The following SPSB1 variants were observed in gnomAD, a reference collection of about 807,000 sequenced individuals.
SPSB1 encodes splA/ryanodine receptor domain and SOCS box containing 1.
Under a neutral mutation model 21.2 loss-of-function variants are expected in SPSB1, and 8 were observed. The observed-to-expected ratio is 0.38, with a 90% CI of 0.22 to 0.68. The LOEUF is 0.68. SPSB1 is among the 30% of genes least tolerant of loss of function. SPSB1 has a pLI of 0.53. For synonymous variants in SPSB1, 169 were observed against 161.7 expected, an observed-to-expected ratio of 1.05 and a Z score of -0.34; for missense variants, 242 against 377.8, an observed-to-expected ratio of 0.64 and a Z score of 2.98.
chr1:9,356,602 C>A lies in SPSB1; in HGVS notation c.694+17C>A. On this transcript the variant is annotated intron_variant, in intron 2 of 2. Transcript: ENST00000328089. The surrounding 1 kb of genome is among the most constrained non-coding windows in gnomAD (Gnocchi z 7.4). ...GACTCGATCGTAAGTGTCTCCTCTG[C>A]TGTCAGAGGCAATGCCCTCCCTCAG... 1 of 1,565,990 alleles carries A rather than the reference C, an allele frequency of 6.4e-7. No individual in the cohort carries two copies. Among genetic ancestry groups the A allele is most frequent in the South Asian group, 1.2e-5 (1 of 82,892 alleles).
chr1:9,342,661 T>G (rs1287968698), intron 1 of SPSB1, among the ~76,000 whole-genome samples: 2 of 151,922 alleles, frequency 1.3e-5, no homozygotes, highest in Admixed American at 1.3e-4. Context: ...GGTCATCCCC[T>G]CCCCAGACCA....
chr1:9,339,854 G>A (rs543679805), intron 1 of SPSB1, among the ~76,000 whole-genome samples: 3 of 152,342 alleles, frequency 2.0e-5, no homozygotes, highest in South Asian at 2.1e-4. Context: ...TGCTCCTTCC[G>A]TGGCACAGGT....
Position 9,367,549 on chromosome 1 carries a change from C to G in SPSB1, c.796C>G (p.Leu266Val), listed in dbSNP as rs750353064. The change falls in exon 3 of 3, where the codon CTC becomes GTC. Residue 266 changes from leucine to valine, a missense_variant. Coordinates refer to ENST00000328089, the MANE Select transcript of SPSB1 (RefSeq NM_025106.4). The surrounding 1 kb of genome is among the most constrained non-coding windows in gnomAD (Gnocchi z 5.9). Reference sequence around the variant, plus strand: ...CCACACGCTGCCGCTGCCGGCTTCCCTCAAGGCCTACCTCCTCTACCAGTG... The same window carrying G: ...CCACACGCTGCCGCTGCCGGCTTCCGTCAAGGCCTACCTCCTCTACCAGTG... ...EIHTLPLPAS[L>V]KAYLLYQ 18 of 1,612,368 alleles carry G rather than the reference C, an allele frequency of 1.1e-5. No individual in the cohort carries two copies. The highest frequency in any genetic ancestry group is 7.6e-6 in the Non-Finnish European group (9 of 1,179,136).
In SPSB1 at chr1:9,338,250, C is replaced by T. The variant is rs1423907206; in HGVS notation, c.-149-17493C>T. ...CTGCTCATGGAGACCTGGGAGACAGCCAAGGCCCTGGCCGTGGGCTCCCCA... is the reference window on the plus strand; with the variant it reads ...CTGCTCATGGAGACCTGGGAGACAGTCAAGGCCCTGGCCGTGGGCTCCCCA... On this transcript the variant is annotated intron_variant, in intron 1 of 2. Transcript: ENST00000328089. Among the ~76,000 whole-genome samples the T allele has an allele frequency of 2.0e-5, 3 of 152,204 alleles. No homozygotes were observed. In the East Asian group the frequency reaches 5.8e-4, roughly 29 times the overall value.
chr1:9,307,661 T>C (rs1340636673), intron 1 of SPSB1, among the ~76,000 whole-genome samples: 2 of 152,150 alleles, frequency 1.3e-5, no homozygotes, highest in African/African-American at 2.4e-5. Flanking sequence ...GGCTGGGAAA[T>C]AGGAACACCT....
At position 9,367,378 on chromosome 1, in the gene SPSB1, G is replaced by T; in HGVS notation, c.695-70G>T. 6.2e-7 allele frequency: 1 copy of T among 1,607,284 alleles called. No individual in the cohort carries two copies. The highest frequency in any genetic ancestry group is 1.1e-5 in the South Asian group (1 of 90,914). On this transcript the variant is annotated intron_variant, in intron 2 of 2. Coordinates refer to ENST00000328089, the MANE Select transcript of SPSB1 (RefSeq NM_025106.4). This position sits in a 1 kb window ranked among gnomAD's most constrained non-coding sequence, Gnocchi z 5.9. ...AATACTAATCAGTGATAATATTGCT[G>T]CTGTGGTTAGCGCTGTTTGCTGAAC...
intron 1 of SPSB1, among the ~76,000 whole-genome samples, chr1:9,325,386 C>T (rs2100487433): frequency 6.6e-6 from 1 of 152,298 alleles, no homozygotes; most frequent in African/African-American, 2.4e-5. Flanking sequence ...GCCTGGAAGG[C>T]AGACCTGGGG....
In SPSB1 at chr1:9,351,973, G is replaced by A. The variant is rs552261443; in HGVS notation, c.-149-3770G>A. 2.1e-4 allele frequency among the ~76,000 whole-genome samples: 32 copies of A among 152,294 alleles called. No individual in the cohort carries two copies. In the South Asian group the frequency reaches 4.4e-3, roughly 21 times the overall value. On this transcript the variant is annotated intron_variant, in intron 1 of 2. Coordinates refer to ENST00000328089, the MANE Select transcript of SPSB1 (RefSeq NM_025106.4). ...GCCCCTTTACCTGCCTGCCCTGCCC[G>A]GGGAAAACGCCCCACCCTCTTTCCC... is the stretch of plus-strand genomic sequence containing the variant.
At position 9,305,293 on chromosome 1, in the gene SPSB1, C is replaced by T. The variant is rs1639392703; in HGVS notation, c.-150+12222C>T. 6.6e-6 allele frequency among the ~76,000 whole-genome samples: 1 copy of T among 152,236 alleles called. No individual in the cohort carries two copies. Among genetic ancestry groups the T allele is most frequent in the Non-Finnish European group, 1.5e-5 (1 of 68,032 alleles). On this transcript the variant is annotated intron_variant, in intron 1 of 2. Coordinates refer to ENST00000328089, the MANE Select transcript of SPSB1 (RefSeq NM_025106.4). The surrounding 1 kb of genome is among the most constrained non-coding windows in gnomAD (Gnocchi z 4.8). ...GATCCCCTCACTCCTCCCCTCTTCCCAGGGATGTCCCCTTCAGCAGGTAGC... is the reference window on the plus strand; with the variant it reads ...GATCCCCTCACTCCTCCCCTCTTCCTAGGGATGTCCCCTTCAGCAGGTAGC...
intron 1 of SPSB1, among the ~76,000 whole-genome samples, chr1:9,303,242 C>T (rs969278424): frequency 2.0e-5 from 3 of 152,188 alleles, no homozygotes; most frequent in Admixed American, 6.5e-5. Context: ...TGGGAAATTA[C>T]AAGGATACAA....
chr1:9,294,174 C>G (rs150587187), intron 1 of SPSB1, among the ~76,000 whole-genome samples: 1 of 102,882 alleles, frequency 9.7e-6, no homozygotes, highest in Admixed American at 8.6e-5. Context: ...CTCTGAGTGT[C>G]TGTCTCTGCA....
At position 9,356,210 on chromosome 1, in the gene SPSB1, A is replaced by T; in HGVS notation, c.319A>T (p.Arg107Ter). 6.3e-7 allele frequency: 1 copy of T among 1,595,418 alleles called. No individual in the cohort carries two copies. Among genetic ancestry groups the T allele is most frequent in the Non-Finnish European group, 8.6e-7 (1 of 1,169,298 alleles). The change falls in exon 2 of 3, where the codon AGA (arginine) becomes TGA (stop). Residue 107 changes from arginine to a stop codon, truncating the protein, a stop_gained. Coordinates refer to ENST00000328089, the MANE Select transcript of SPSB1 (RefSeq NM_025106.4). LOFTEE classifies it high-confidence loss of function. This position sits in a 1 kb window ranked among gnomAD's most constrained non-coding sequence, Gnocchi z 7.4. ...LHVWQITWAM[R>*]QRGTHAVVGV... ...CGTGTGGCAGATCACGTGGGCCATG[A>T]GACAGCGGGGCACACACGCCGTGGT... is the stretch of plus-strand genomic sequence containing the variant.
rs537600544 is a variant in SPSB1 at position 9,352,953 on chromosome 1, C to T, written c.-149-2790C>T. Among the ~76,000 whole-genome samples, 1,158 of 144,522 alleles carry T rather than the reference C, an allele frequency of 8.0e-3. 17 individuals carry two copies. Among genetic ancestry groups the T allele is most frequent in the African/African-American group, 0.027 (1,091 of 41,076 alleles). The allele number at this position is 144,522 out of a possible 152,430, so 94.8% of individuals were successfully genotyped here. On this transcript the variant is annotated intron_variant, in intron 1 of 2. Coordinates refer to ENST00000328089, the MANE Select transcript of SPSB1 (RefSeq NM_025106.4). ...GGTCCTCCCTGCTGCCACAGTTGAGCGGCAGGGGGGCTGTGGAGGGGCTAC... is the reference window on the plus strand; with the variant it reads ...GGTCCTCCCTGCTGCCACAGTTGAGTGGCAGGGGGGCTGTGGAGGGGCTAC...
intron 1 of SPSB1, among the ~76,000 whole-genome samples, chr1:9,336,978 A>C (rs540224753): frequency 4.1e-4 from 63 of 151,830 alleles, no homozygotes; most frequent in African/African-American, 1.5e-3. Context: ...CTGGGGCCTG[A>C]CTCCCTATCG....
rs117956834 is a variant in SPSB1, at chr1:9,293,944, C to G, written c.-150+873C>G. Among the ~76,000 whole-genome samples the G allele has an allele frequency of 9.2e-5, 14 of 151,682 alleles. No homozygotes were observed. In the East Asian group the frequency reaches 2.5e-3, roughly 27 times the overall value. ...TGTGGGTGTGTGTGTGAGTGTGTCTCTAAGTGCATCTGTGTATTTATGTGC... is the reference window on the plus strand; with the variant it reads ...TGTGGGTGTGTGTGTGAGTGTGTCTGTAAGTGCATCTGTGTATTTATGTGC... On this transcript the variant is annotated intron_variant, in intron 1 of 2. Transcript: ENST00000328089. This position sits in a 1 kb window ranked among gnomAD's most constrained non-coding sequence, Gnocchi z 5.1.
chr1:9,356,165 G>C lies in SPSB1; in HGVS notation c.274G>C (p.Gly92Arg). The change falls in exon 2 of 3, where the codon GGG becomes CGG. Residue 92 changes from glycine to arginine, a missense_variant. Physicochemically the swap from Gly to Arg is moderately radical, Grantham distance 125 (BLOSUM62 -2). Coordinates refer to ENST00000328089, the MANE Select transcript of SPSB1 (RefSeq NM_025106.4). The surrounding 1 kb of genome is among the most constrained non-coding windows in gnomAD (Gnocchi z 7.4). ...CACGGACGCTATCAGGGGCAAAGTC[G>C]GGTATACCCGTGGGCTGCACGTGTG... ...QSTDAIRGKVGYTRGLHVWQI... is the reference protein window; with the variant it reads ...QSTDAIRGKVRYTRGLHVWQI... The C allele has an allele frequency of 6.3e-7, 1 of 1,584,912 alleles. No homozygotes were observed. Among genetic ancestry groups the C allele is most frequent in the Non-Finnish European group, 8.6e-7 (1 of 1,162,264 alleles).
intron 1 of SPSB1, among the ~76,000 whole-genome samples, chr1:9,350,176 G>A (rs1175056792): frequency 6.6e-6 from 1 of 152,154 alleles, no homozygotes; most frequent in Non-Finnish European, 1.5e-5. Flanking sequence ...ATACCCTCAC[G>A]GCATTTATGC....
chr1:9,333,984 C>T (rs1194866700), intron 1 of SPSB1, among the ~76,000 whole-genome samples: 3 of 152,178 alleles, frequency 2.0e-5, no homozygotes, highest in African/African-American at 7.2e-5. Context: ...CAGACGGACT[C>T]CATTCATCAC....
intron 2 of SPSB1, among the ~76,000 whole-genome samples, chr1:9,360,548 C>G (rs999778070): frequency 3.6e-4 from 55 of 152,292 alleles, no homozygotes; most frequent in African/African-American, 1.2e-3. Flanking sequence ...TGCCTCCGAG[C>G]TCTGAGGGGG....
Sources: allele counts gnomAD v4.1 joint callset (sites outside exome capture counted in the v4.1 genomes callset), GRCh38; gene constraint gnomAD v4.1.1; non-coding constraint Gnocchi (gnomAD v3.1); transcripts MANE v1.5; gene names NCBI Gene and HGNC (gene_info 2026-07-23, HGNC 2026-07-21).